Variants in GLRB observed in about 807,000 individuals in gnomAD.
The protein encoded by GLRB is glycine receptor beta, also known as glycine receptor subunit beta.
A neutral mutation model predicts 54.2 loss-of-function variants in GLRB; 33 were observed. The ratio of observed to expected loss-of-function variants is 0.61; its 90% CI spans 0.46 to 0.81. The LOEUF is 0.81. GLRB is among the 40% of genes least tolerant of loss of function. The probability of loss-of-function intolerance (pLI) is 0.00; values close to 1 mark genes in which losing one functional copy is unlikely to be tolerated. For missense variants in GLRB, 572 were observed against 584.6 expected (o/e 0.98, Z 0.22); for synonymous variants, 209 against 208.2 (o/e 1.00, Z -0.03).
At chr4:157,134,978 A>G (rs942319544) in intron 4 of GLRB, among the ~76,000 whole-genome samples, 1 of 152,116 alleles carries the variant, frequency 6.6e-6, no homozygotes, top group African/African-American at 2.4e-5. Context: ...GCATTTTGAT[A>G]GTGTAAACTC....
At chr4:157,093,542 G>A (rs1025037760) in intron 2 of GLRB, among the ~76,000 whole-genome samples, 2 of 151,996 alleles carry the variant, frequency 1.3e-5, no homozygotes, top group African/African-American at 4.8e-5. Flanking sequence ...AGATCACGAG[G>A]TCAAGAGATC....
chr4:157,169,911 T>G (rs1002149788), intron 9 of GLRB, among the ~76,000 whole-genome samples: 3 of 152,126 alleles, frequency 2.0e-5, no homozygotes, highest in Non-Finnish European at 4.4e-5. Context: ...TTGTGACCAT[T>G]TTTTAGTCCT....
At chr4:157,087,924 C>A (rs1734471272) in intron 2 of GLRB, among the ~76,000 whole-genome samples, 1 of 151,980 alleles carries the variant, frequency 6.6e-6, no homozygotes, top group African/African-American at 2.4e-5. Context: ...GCTGAGGTCC[C>A]TTTATAAATG....
intron 8 of GLRB, 64 bp from the exon 9 acceptor site, chr4:157,152,654 T>C: frequency 7.9e-7 from 1 of 1,266,132 alleles, no homozygotes; most frequent in South Asian, 1.2e-5. Context: ...AGTCAAAGAG[T>C]AATGACCCCA....
rs758939135 is a variant in GLRB, at chr4:157,152,850, A to G, written c.1037A>G (p.Glu346Gly). 1.1e-5 allele frequency: 18 copies of G among 1,613,896 alleles called. No homozygotes were observed. Among genetic ancestry groups the G allele is most frequent in the Non-Finnish European group, 1.5e-5 (18 of 1,179,978 alleles). The stretch of plus-strand genomic sequence containing the variant: ...CTCTTTGGGTTTGCTTCCCTGGTGG[A>G]GTATGCAGTTGTCCAGGTGATGCTG... The part of the protein sequence containing the change: ...CLLFGFASLV[E>G]YAVVQVMLNN... The change falls in exon 9 of 10, where the codon GAG becomes GGG. Residue 346 changes from glutamate to glycine, a missense_variant. Physicochemically the swap from Glu to Gly is moderately conservative, Grantham distance 98 (BLOSUM62 -2). Transcript: ENST00000264428.
chr4:157,093,947 T>C (rs1335841267), intron 2 of GLRB, among the ~76,000 whole-genome samples: 3 of 152,120 alleles, frequency 2.0e-5, no homozygotes, highest in Admixed American at 2.0e-4. Context: ...GATCAAAGAT[T>C]ATAATATCAT....
At chr4:157,080,704 T>G (rs1734191433) in intron 2 of GLRB, among the ~76,000 whole-genome samples, 1 of 152,128 alleles carries the variant, frequency 6.6e-6, no homozygotes. Flanking sequence ...ATATTGAAAA[T>G]TACAAAACCC....
chr4:157,136,641 C>T lies in GLRB; in HGVS notation c.470C>T (p.Thr157Ile), dbSNP rs1408893478. 2 of 1,613,056 alleles carry T rather than the reference C, an allele frequency of 1.2e-6. No individual in the cohort carries two copies. The highest frequency in any genetic ancestry group is 2.2e-5 in the East Asian group (1 of 44,856). ...AAAAGTGCCAATTTTCATGATGTGA[C>T]CCAGGAAAACATCCTCCTCTTTATT... ...NEKSANFHDV[T>I]QENILLFIFR... The change falls in exon 5 of 10, where the codon ACC (threonine) becomes ATC (isoleucine). Residue 157 changes from threonine to isoleucine, a missense_variant. By Grantham distance (89) the Thr-to-Ile change is moderately conservative. Coordinates refer to ENST00000264428, the MANE Select transcript of GLRB (RefSeq NM_000824.5).
intron 8 of GLRB, among the ~76,000 whole-genome samples, chr4:157,144,797 C>T (rs183742355): frequency 7.2e-5 from 11 of 152,260 alleles, no homozygotes; most frequent in Admixed American, 6.5e-4. Context: ...GCAAATCTCT[C>T]TCCTGACTTA....
In GLRB at chr4:157,136,674, A is replaced by C. The variant is rs1204292083; in HGVS notation, c.503A>C (p.Asp168Ala). 1 of 1,608,114 alleles carries C rather than the reference A, an allele frequency of 6.2e-7. No homozygotes were observed. The highest frequency in any genetic ancestry group is 8.5e-7 in the Non-Finnish European group (1 of 1,174,554). ...QENILLFIFR[D>A]GDVLVSMRLS... ...AACATCCTCCTCTTTATTTTTCGTG[A>C]TGGAGATGTCCTTGTCAGCATGAGG... is the stretch of plus-strand genomic sequence containing the variant. The change falls in exon 5 of 10, where the codon GAT becomes GCT. Residue 168 changes from aspartate to alanine, a missense_variant. Physicochemically the swap from Asp to Ala is moderately radical, Grantham distance 126. Transcript: ENST00000264428.
At chr4:157,154,372 A>G (rs1490579631) in intron 9 of GLRB, among the ~76,000 whole-genome samples, 1 of 83,680 alleles carries the variant, frequency 1.2e-5, no homozygotes, top group African/African-American at 4.7e-5. Context: ...TCTATGTTTT[A>G]TTTTTCTTTG....
chr4:157,169,670 A>G (rs1032235144), intron 9 of GLRB, among the ~76,000 whole-genome samples: 6 of 152,174 alleles, frequency 3.9e-5, no homozygotes, highest in African/African-American at 1.4e-4. Flanking sequence ...AAGCCCATGT[A>G]TAAGTGGACC....
At chr4:157,150,522 C>T (rs189072959) in intron 8 of GLRB, among the ~76,000 whole-genome samples, 37 of 152,162 alleles carry the variant, frequency 2.4e-4, no homozygotes, top group African/African-American at 8.7e-4. Context: ...GACACCAAAA[C>T]ATCTTTACCT....
intron 4 of GLRB, among the ~76,000 whole-genome samples, chr4:157,129,499 G>T (rs1736133976): frequency 6.6e-6 from 1 of 151,686 alleles, no homozygotes; most frequent in African/African-American, 2.4e-5. Flanking sequence ...AACTTAAATT[G>T]TAAAAATTTG....
At chr4:157,158,222 C>T (rs1384309114) in intron 9 of GLRB, among the ~76,000 whole-genome samples, 1 of 151,824 alleles carries the variant, frequency 6.6e-6, no homozygotes, top group Non-Finnish European at 1.5e-5. Context: ...TTGTAGATCC[C>T]GGATATTAGC....
intron 6 of GLRB, among the ~76,000 whole-genome samples, chr4:157,137,245 T>G (rs1272739626): frequency 6.6e-6 from 1 of 152,094 alleles, no homozygotes; most frequent in Admixed American, 6.6e-5. Context: ...AGCAGAAAAT[T>G]TGGAAAACAT....
At chr4:157,166,810 A>G (rs921111761) in intron 9 of GLRB, among the ~76,000 whole-genome samples, 2 of 152,190 alleles carry the variant, frequency 1.3e-5, no homozygotes, top group Middle Eastern at 3.4e-3. Context: ...CATGTTTACT[A>G]TAAGTAATCT....
chr4:157,132,925 A>G (rs548955660), intron 4 of GLRB, among the ~76,000 whole-genome samples: 1 of 151,974 alleles, frequency 6.6e-6, no homozygotes, highest in South Asian at 2.1e-4. Flanking sequence ...TAGTCTGAAA[A>G]TCTCAGATTT....
At chr4:157,120,951 C>CTATT (rs1479952172) in intron 3 of GLRB, among the ~76,000 whole-genome samples, 1 of 151,572 alleles carries the variant, frequency 6.6e-6, no homozygotes, top group Non-Finnish European at 1.5e-5. Context: ...TTTCTAAGTA[C>CTATT]TATTCTTAAC....
Sources: gnomAD v4.1 joint callset for allele counts (sites outside exome capture counted in the v4.1 genomes callset) on GRCh38, gnomAD v4.1.1 for gene constraint, MANE v1.5 for transcripts, NCBI Gene and HGNC (gene_info 2026-07-23, HGNC 2026-07-21) for gene names.